Variants in CCDC191 observed in about 807,000 individuals in gnomAD.
CCDC191 encodes the protein coiled-coil domain-containing protein 191.
CCDC191 carries 99 observed loss-of-function variants against 114.0 expected under a neutral mutation model. That is an observed-to-expected ratio of 0.87 (90% CI 0.74 to 1.03). CCDC191 has a LOEUF of 1.03. Ranked by LOEUF, CCDC191 falls within the 50% of genes least tolerant of loss-of-function variation. The pLI is 0.00. For missense variants in CCDC191, 973 were observed against 1,087.0 expected (o/e 0.90, Z 1.47); for synonymous variants, 351 against 376.0 (o/e 0.93, Z 0.77).
chr3:114,042,237 C>T (rs1183204698), intron 4 of CCDC191, among the ~76,000 whole-genome samples: 3 of 151,950 alleles, frequency 2.0e-5, no homozygotes, highest in Non-Finnish European at 4.4e-5. Context: ...TGGATTCAAC[C>T]AACTGCAGTT....
Position 114,004,648 on chromosome 3 carries a change from G to C in CCDC191, c.1967C>G (p.Pro656Arg). The change falls in exon 11 of 17, where the codon CCC becomes CGC. Residue 656 changes from proline (P) to arginine (R), a missense_variant. Transcript: ENST00000295878. ...CGAGACAGCCCTGCCTTTTAGTATG[G>C]GATGCGGTGTCATCAATTGCTTTGG... ...RKPKQLMTPH[P>R]ILKAMEERAI... 6.2e-7 allele frequency: 1 copy of C among 1,612,060 alleles called. No homozygotes were observed. The highest frequency in any genetic ancestry group is 8.5e-7 in the Non-Finnish European group (1 of 1,178,992).
chr3:114,018,085 A>G (rs1226924757), intron 8 of CCDC191, among the ~76,000 whole-genome samples: 2 of 152,232 alleles, frequency 1.3e-5, no homozygotes, highest in Admixed American at 6.5e-5. Context: ...GGAACAAAAG[A>G]TGGTAGAGTG....
chr3:113,994,580 C>CT lies in CCDC191; in HGVS notation c.2163+7014dup, dbSNP rs35624147. ...AATTGAAAACTTAAAAAACTAAATT[C>CT]TTTTTTTTTTTTTTTTTTTTAGAAA... On this transcript the variant is annotated intron_variant, in intron 13 of 16. Coordinates refer to ENST00000295878, the MANE Select transcript of CCDC191 (RefSeq NM_020817.2). Among the ~76,000 whole-genome samples the CT allele has an allele frequency of 8.1e-3, 1,045 of 128,876 alleles. 13 individuals are homozygous for CT. Among genetic ancestry groups the CT allele is most frequent in the Middle Eastern group, 0.021 (5 of 242 alleles). The allele number at this position is 128,876 out of a possible 152,430, so 84.5% of individuals were successfully genotyped here.
chr3:113,982,106 G>T (rs1204030209), intron 13 of CCDC191, among the ~76,000 whole-genome samples: 1 of 152,194 alleles, frequency 6.6e-6, no homozygotes. Context: ...TCAGACAAAA[G>T]AACTTGTTCC....
In CCDC191 at chr3:114,035,022, CCAGAGCCTT is replaced by C; in HGVS notation, c.712_720del (p.Lys238_Leu240del). On this transcript the variant is annotated inframe_deletion, in exon 6 of 17. Coordinates refer to ENST00000295878, the MANE Select transcript of CCDC191 (RefSeq NM_020817.2). ...ATCTCCTCTTCCTCTTTCTTGGCCT[CCAGAGCCTT>C]CCTTTTCTTCTCTTCTTGCACCAGA... 1 of 1,614,072 alleles carries C rather than the reference CCAGAGCCTT, an allele frequency of 6.2e-7. No individual in the cohort carries two copies. The highest frequency in any genetic ancestry group is 8.5e-7 in the Non-Finnish European group (1 of 1,179,994).
In CCDC191 at chr3:114,006,617, T is replaced by TATATAA. The variant is rs1482068610; in HGVS notation, c.1414-656_1414-655insTTATAT. ...ATATATATATATATATATATATATA[T>TATATAA]AAATATATATATTTTATATATAAAA... is the stretch of plus-strand genomic sequence containing the variant. On this transcript the variant is annotated intron_variant, in intron 9 of 16. Transcript: ENST00000295878. Among the ~76,000 whole-genome samples the TATATAA allele has an allele frequency of 9.8e-4, 116 of 118,414 alleles. 2 individuals carry two copies. Among genetic ancestry groups the TATATAA allele is most frequent in the African/African-American group, 2.8e-3 (81 of 28,928 alleles). 77.7% of individuals were successfully genotyped at this position (118,414 alleles called of 152,430 possible).
At chr3:113,995,370 T>C (rs2075691669) in intron 13 of CCDC191, among the ~76,000 whole-genome samples, 2 of 152,202 alleles carry the variant, frequency 1.3e-5, no homozygotes, top group African/African-American at 4.8e-5. Flanking sequence ...CTGCTTTTTA[T>C]AATACTCTGC....
At chr3:114,015,474 T>A (rs1027057841) in intron 8 of CCDC191, among the ~76,000 whole-genome samples, 1 of 152,178 alleles carries the variant, frequency 6.6e-6, no homozygotes, top group Non-Finnish European at 1.5e-5. Flanking sequence ...AGTTTTTAAG[T>A]AGTGATTTAT....
chr3:114,006,617 T>TATATATATAA lies in CCDC191; in HGVS notation c.1414-656_1414-655insTTATATATAT, dbSNP rs1482068610. 5.4e-4 allele frequency among the ~76,000 whole-genome samples: 64 copies of TATATATATAA among 118,424 alleles called. 1 individual carries two copies. Among genetic ancestry groups the TATATATATAA allele is most frequent in the African/African-American group, 2.0e-3 (58 of 28,938 alleles). 77.7% of individuals were successfully genotyped at this position (118,424 alleles called of 152,430 possible). A position where few individuals can be genotyped will look rare whatever the true frequency, so the allele number is the denominator to read the frequency against. On this transcript the variant is annotated intron_variant, in intron 9 of 16. Coordinates refer to ENST00000295878, the MANE Select transcript of CCDC191 (RefSeq NM_020817.2). ...ATATATATATATATATATATATATA[T>TATATATATAA]AAATATATATATTTTATATATAAAA... is the stretch of plus-strand genomic sequence containing the variant.
chr3:113,978,496 T>C (rs2075016105), intron 15 of CCDC191, 165 bp from the exon 16 acceptor site: 3 of 692,588 alleles, frequency 4.3e-6, no homozygotes, highest in Admixed American at 2.9e-5. Flanking sequence ...TCCTCTATAA[T>C]GTATCCTAAA....
At chr3:113,980,204 T>C (rs981903213) in intron 14 of CCDC191, among the ~76,000 whole-genome samples, 1 of 152,182 alleles carries the variant, frequency 6.6e-6, no homozygotes, top group African/African-American at 2.4e-5. Context: ...GTAACCAGAA[T>C]GAGAGGCTTG....
chr3:114,024,339 C>T (rs2076287633), intron 7 of CCDC191, among the ~76,000 whole-genome samples: 2 of 152,172 alleles, frequency 1.3e-5, no homozygotes, highest in Non-Finnish European at 2.9e-5. Context: ...ACCCAGCCAT[C>T]CCATTACTGG....
rs1352383927 is a variant in CCDC191, at chr3:113,978,310, CT to C, written c.2481del (p.Glu828LysfsTer2). ...SWLQYVIDLQEEVRKFCVHFL... is the reference protein window; with the variant it reads ...SWLQYVIDLQXEVRKFCVHFL... ...AAATGTACACAAAATTTTCTTACTT[CT>C]TCCTGCAGATCAATCACGTACTGGG... On this transcript the variant is annotated frameshift_variant, in exon 16 of 17. Transcript: ENST00000295878. LOFTEE classifies it high-confidence loss of function. 6.2e-7 allele frequency: 1 copy of C among 1,613,812 alleles called. No individual in the cohort carries two copies. The highest frequency in any genetic ancestry group is 8.5e-7 in the Non-Finnish European group (1 of 1,179,932).
rs577654852 is a variant in CCDC191, at chr3:113,993,618, G to A, written c.2163+7977C>T. Among the ~76,000 whole-genome samples the A allele has an allele frequency of 6.6e-5, 10 of 152,248 alleles. No individual in the cohort carries two copies. The South Asian group carries it at 1.0e-3, about 16-fold the overall frequency. ...AAATGGGCTGGGCATGGTGGCTCAT[G>A]CCTGTAATCCCAATACTGCACTTTG... On this transcript the variant is annotated intron_variant, in intron 13 of 16. Coordinates refer to ENST00000295878, the MANE Select transcript of CCDC191 (RefSeq NM_020817.2).
chr3:113,986,783 G>C (rs527691435), intron 13 of CCDC191, among the ~76,000 whole-genome samples: 6 of 152,238 alleles, frequency 3.9e-5, no homozygotes, highest in East Asian at 1.9e-4. Context: ...TGGTGTGCTT[G>C]CTTGCTCTCT....
chr3:113,985,668 A>G (rs920001727), intron 13 of CCDC191, among the ~76,000 whole-genome samples: 1 of 152,222 alleles, frequency 6.6e-6, no homozygotes, highest in African/African-American at 2.4e-5. Flanking sequence ...AGCTGTAAAC[A>G]ACAGATTCTC....
At chr3:113,971,957 T>C (rs184037058) in intron 16 of CCDC191, among the ~76,000 whole-genome samples, 2 of 152,292 alleles carry the variant, frequency 1.3e-5, no homozygotes, top group East Asian at 3.9e-4. Flanking sequence ...TTTTCCAGTT[T>C]ATTGATATAT....
chr3:114,005,391 G>T, intron 10 of CCDC191, 117 bp downstream of exon 10: 1 of 1,007,338 alleles, frequency 9.9e-7, no homozygotes, highest in Non-Finnish European at 1.5e-6. Context: ...CTTTGAGAGT[G>T]CAAAATCAAG....
rs202215581 is a variant in CCDC191 at position 113,980,758 on chromosome 3, G to A, written c.2199C>T (p.Asn733=). ...ELEKQKRIKR[N]QQLEAIAKEH... The stretch of plus-strand genomic sequence containing the variant: ...CTTTGGCTATTGCTTCCAGCTGCTG[G>A]TTCCTCTTAATTCTCTTCTGCTTCT... Residue 733 remains asparagine, a synonymous_variant, in exon 14 of 17, where the codon AAC becomes AAT. Transcript: ENST00000295878. The A allele has an allele frequency of 5.6e-6, 9 of 1,609,756 alleles. No homozygotes were observed. In the East Asian group the frequency reaches 1.8e-4, roughly 32 times the overall value.
Sources: allele counts gnomAD v4.1 joint callset (sites outside exome capture counted in the v4.1 genomes callset), GRCh38; gene constraint gnomAD v4.1.1; transcripts MANE v1.5; gene names NCBI Gene and HGNC (gene_info 2026-07-23, HGNC 2026-07-21).